The following ELP2 variants were observed in gnomAD, a reference collection of about 807,000 sequenced individuals.
ELP2 encodes elongator complex protein 2.
Under a neutral mutation model 119.2 loss-of-function variants are expected in ELP2, and 90 were observed. The ratio of observed to expected loss-of-function variants is 0.75; its 90% CI spans 0.64 to 0.90. ELP2 has a LOEUF of 0.90. Among genes scored for constraint, ELP2 ranks in the 40% least tolerant of loss-of-function variants. ELP2 has a pLI of 0.00. For synonymous variants in ELP2, 339 were observed against 331.0 expected, an observed-to-expected ratio of 1.02 and a Z score of -0.26; for missense variants, 921 against 967.8, an observed-to-expected ratio of 0.95 and a Z score of 0.64.
At chr18:36,133,107 G>A in intron 1 of ELP2, 131 bp from the exon 2 acceptor site, 1 of 696,498 alleles carries the variant, frequency 1.4e-6, no homozygotes, top group East Asian at 2.7e-5. Context: ...ATAGATTGAA[G>A]AAGGCAAATC....
chr18:36,152,209 A>G (rs1567999929), intron 11 of ELP2, among the ~76,000 whole-genome samples: 1 of 144,710 alleles, frequency 6.9e-6, no homozygotes, highest in Admixed American at 6.9e-5. Context: ...AAAAAAAAAA[A>G]CAACAAAGAT....
At position 36,167,136 on chromosome 18, in the gene ELP2, A is replaced by G; in HGVS notation, c.1990A>G (p.Ile664Val). Residue 664 changes from isoleucine (I) to valine (V), a missense_variant, in exon 19 of 22, where the codon ATT becomes GTT. Physicochemically the swap from Ile to Val is conservative, Grantham distance 29 (BLOSUM62 3). Transcript: ENST00000358232. ...TAGTCTTTTTGCCTTCACCAACAAA[A>G]TTACTTCTGTGCACAGTAGAATTAT... Reference protein sequence around the residue: ...VFSLFAFTNKITSVHSRIIWS... With the variant: ...VFSLFAFTNKVTSVHSRIIWS... 1 of 1,602,148 alleles carries G rather than the reference A, an allele frequency of 6.2e-7. No homozygotes were observed. Among genetic ancestry groups the G allele is most frequent in the Non-Finnish European group, 8.5e-7 (1 of 1,173,978 alleles).
chr18:36,174,208 T>A (rs2091165238), intron 21 of ELP2, among the ~76,000 whole-genome samples: 1 of 152,190 alleles, frequency 6.6e-6, no homozygotes, highest in Admixed American at 6.5e-5. Flanking sequence ...TTTAAAAAAA[T>A]TTTATTTTTT....
In ELP2 at chr18:36,174,922, G is replaced by A. The variant is rs1006711886; in HGVS notation, c.*281G>A. ...TGGCCAGGCGGGTCTCAAACTCCTC[G>A]TCTCAGGTGATCTGCTTGCCTCGGC... On this transcript the variant is annotated 3_prime_UTR_variant, in exon 22 of 22. Coordinates refer to ENST00000358232, the MANE Select transcript of ELP2 (RefSeq NM_018255.4). 1.1e-5 allele frequency: 4 copies of A among 363,920 alleles called. No homozygotes were observed. Among genetic ancestry groups the A allele is most frequent in the South Asian group, 2.6e-5 (1 of 38,908 alleles). 22.5% of individuals were successfully genotyped at this position (363,920 alleles called of 1,614,324 possible).
intron 17 of ELP2, among the ~76,000 whole-genome samples, chr18:36,161,930 T>A (rs1022242518): frequency 1.2e-4 from 18 of 152,210 alleles, no homozygotes; most frequent in Non-Finnish European, 2.6e-4. Context: ...GGGCTTCTAC[T>A]GAGCAGATAA....
chr18:36,162,915 T>G (rs2090782596), intron 17 of ELP2, among the ~76,000 whole-genome samples: 1 of 152,170 alleles, frequency 6.6e-6, no homozygotes, highest in Non-Finnish European at 1.5e-5. Context: ...TTTTGAAAAG[T>G]TTTTAAAGTT....
At chr18:36,166,276 T>C (rs1277996506) in intron 18 of ELP2, among the ~76,000 whole-genome samples, 1 of 151,658 alleles carries the variant, frequency 6.6e-6, no homozygotes, top group Non-Finnish European at 1.5e-5. Flanking sequence ...GATACGCTCT[T>C]ATTCCCTCCT....
chr18:36,145,658 T>C (rs561156559), intron 9 of ELP2, among the ~76,000 whole-genome samples: 9 of 152,370 alleles, frequency 5.9e-5, no homozygotes, highest in South Asian at 4.1e-4. Flanking sequence ...ATTATAGATA[T>C]TACAGCTTGC....
At chr18:36,163,743 A>C (rs1037760777) in intron 17 of ELP2, among the ~76,000 whole-genome samples, 3 of 152,118 alleles carry the variant, frequency 2.0e-5, no homozygotes, top group Non-Finnish European at 4.4e-5. Context: ...CTTTGTCTAA[A>C]GTCGGTTGTT....
Position 36,133,242 on chromosome 18 carries a change from G to A in ELP2, c.143G>A (p.Arg48Lys), listed in dbSNP as rs1384902691. Residue 48 changes from arginine to lysine, a missense_variant, in exon 2 of 22, where the codon AGG becomes AAG. Coordinates refer to ENST00000358232, the MANE Select transcript of ELP2 (RefSeq NM_018255.4). The part of the protein sequence containing the change: ...CSVVLYDPLK[R>K]VVVTNLNGHT... ...ACTGTATTTTCTTCTCTAAAGAAAA[G>A]GGTTGTTGTTACCAACTTGAATGGT... 2.5e-6 allele frequency: 4 copies of A among 1,610,878 alleles called. No homozygotes were observed. The highest frequency in any genetic ancestry group is 1.1e-5 in the South Asian group (1 of 90,976).
intron 11 of ELP2, 125 bp downstream of exon 11, chr18:36,146,506 T>G: frequency 9.5e-7 from 1 of 1,053,562 alleles, no homozygotes; most frequent in Non-Finnish European, 1.4e-6. Flanking sequence ...GTGACATAAC[T>G]TTTTTCTGTA....
At chr18:36,138,476 A>AATTTTATTTT in intron 4 of ELP2, 50 bp downstream of exon 4, 1 of 1,576,946 alleles carries the variant, frequency 6.3e-7, no homozygotes. Context: ...TATTTAACAA[A>AATTTTATTTT]TGAATGACGA....
Position 36,164,578 on chromosome 18 carries a change from T to G in ELP2, c.1865T>G (p.Phe622Cys), listed in dbSNP as rs1717781648. The change falls in exon 18 of 22, where the codon TTC (phenylalanine) becomes TGC (cysteine). Residue 622 changes from phenylalanine (F) to cysteine (C), a missense_variant. Coordinates refer to ENST00000358232, the MANE Select transcript of ELP2 (RefSeq NM_018255.4). ...AGTTTGACAGTCACGCAGATGGCCT[T>G]CTCACCTAATGAGAAGTTCTTACTA... Reference protein sequence around the residue: ...FHSLTVTQMAFSPNEKFLLAV... With the variant: ...FHSLTVTQMACSPNEKFLLAV... The G allele has an allele frequency of 6.2e-7, 1 of 1,613,996 alleles. No individual in the cohort carries two copies.
chr18:36,133,905 T>G (rs1303678576), intron 2 of ELP2, among the ~76,000 whole-genome samples: 22 of 122,592 alleles, frequency 1.8e-4, no homozygotes, highest in Admixed American at 4.2e-4. Flanking sequence ...GGGTTTTTTT[T>G]TTTTTTTTTT....
At chr18:36,150,114 A>G (rs2090350515) in intron 11 of ELP2, among the ~76,000 whole-genome samples, 1 of 152,166 alleles carries the variant, frequency 6.6e-6, no homozygotes. Context: ...GTCTACTAGC[A>G]TCAGTCTTAC....
chr18:36,144,488 C>G (rs1312603044), intron 8 of ELP2, among the ~76,000 whole-genome samples: 1 of 152,114 alleles, frequency 6.6e-6, no homozygotes, highest in African/African-American at 2.4e-5. Context: ...CCACCAGATC[C>G]TTCCCTTGAC....
chr18:36,161,348 G>A (rs535091612), intron 17 of ELP2, among the ~76,000 whole-genome samples: 21 of 152,170 alleles, frequency 1.4e-4, no homozygotes, highest in South Asian at 4.1e-4. Context: ...AGTCAAGATC[G>A]CGCCACTGCA....
chr18:36,144,712 A>G (rs2090143178), intron 8 of ELP2, among the ~76,000 whole-genome samples: 1 of 152,218 alleles, frequency 6.6e-6, no homozygotes, highest in Non-Finnish European at 1.5e-5. Context: ...TTTATTTATG[A>G]CCAGCTAGAA....
intron 1 of ELP2, 97 bp downstream of exon 1, chr18:36,130,168 A>T (rs2089549570): frequency 6.5e-7 from 1 of 1,536,800 alleles, no homozygotes; most frequent in East Asian, 2.3e-5. Context: ...CAGACCTAGG[A>T]GGCGAGTCGG....
Sources: allele counts gnomAD v4.1 joint callset (sites outside exome capture counted in the v4.1 genomes callset), GRCh38; gene constraint gnomAD v4.1.1; transcripts MANE v1.5; gene names NCBI Gene and HGNC (gene_info 2026-07-23, HGNC 2026-07-21).